Variants in TM9SF3 observed in about 807,000 individuals in gnomAD.
TM9SF3 encodes the protein SM-11044-binding protein.
A neutral mutation model predicts 78.6 loss-of-function variants in TM9SF3; 14 were observed. The ratio of observed to expected loss-of-function variants is 0.18; its 90% CI spans 0.12 to 0.28. TM9SF3 has a LOEUF of 0.28. TM9SF3 is among the 10% of genes least tolerant of loss of function. The pLI, the probability that TM9SF3 is intolerant of heterozygous loss-of-function variation, is 1.00. For synonymous variants in TM9SF3, 231 were observed against 241.7 expected (o/e 0.96, Z 0.41); for missense variants, 496 against 721.9 (o/e 0.69, Z 3.59).
intron 9 of TM9SF3, among the ~76,000 whole-genome samples, chr10:96,535,285 T>A (rs1035226254): frequency 1.3e-5 from 2 of 152,166 alleles, no homozygotes; most frequent in Admixed American, 1.3e-4. Context: ...AAGTTCTGGA[T>A]GAAGTTACTT....
intron 11 of TM9SF3, 115 bp downstream of exon 11, chr10:96,530,425 G>T: frequency 3.8e-6 from 3 of 795,568 alleles, no homozygotes; most frequent in South Asian, 1.9e-5. Context: ...TGGAATCATG[G>T]AATTAACAGA....
intron 8 of TM9SF3, among the ~76,000 whole-genome samples, chr10:96,547,227 T>C (rs1848112150): frequency 6.6e-6 from 1 of 152,220 alleles, no homozygotes; most frequent in African/African-American, 2.4e-5. Flanking sequence ...TCTCTTTCCA[T>C]TGTCCAGAAA....
At chr10:96,567,286 A>G (rs368013481) in intron 2 of TM9SF3, among the ~76,000 whole-genome samples, 9 of 152,054 alleles carry the variant, frequency 5.9e-5, no homozygotes, top group African/African-American at 1.9e-4. Flanking sequence ...GGGTTTCACC[A>G]TGTTAGCAGG....
chr10:96,536,879 C>G (rs1388879811), intron 9 of TM9SF3, among the ~76,000 whole-genome samples: 3 of 152,172 alleles, frequency 2.0e-5, no homozygotes, highest in Non-Finnish European at 4.4e-5. Context: ...GCACTACAGC[C>G]TCAACTCCTG....
chr10:96,558,018 G>A (rs1219721533), intron 5 of TM9SF3, among the ~76,000 whole-genome samples: 1 of 152,130 alleles, frequency 6.6e-6, no homozygotes, highest in Non-Finnish European at 1.5e-5. Flanking sequence ...GTGCTTGGCA[G>A]ATAGCAGGTG....
At chr10:96,554,534 C>T (rs1360222064) in intron 5 of TM9SF3, among the ~76,000 whole-genome samples, 1 of 152,168 alleles carries the variant, frequency 6.6e-6, no homozygotes, top group Non-Finnish European at 1.5e-5. Context: ...TCTCCTCTTT[C>T]ATCTTCCATG....
rs781157739 is a variant in TM9SF3 at position 96,586,873 on chromosome 10, T to TCCTCCTCCCGCCGCCG, written c.-54_-39dup. 2 of 1,181,968 alleles carry TCCTCCTCCCGCCGCCG rather than the reference T, an allele frequency of 1.7e-6. No individual in the cohort carries two copies. The highest frequency in any genetic ancestry group is 4.0e-5 in the South Asian group (1 of 24,806). The allele number at this position is 1,181,968 out of a possible 1,614,324, so 73.2% of individuals were successfully genotyped here. On this transcript the variant is annotated 5_prime_UTR_variant, in exon 1 of 15. The change abolishes the stop of an existing upstream ORF in the 5' untranslated region. Coordinates refer to ENST00000371142, the MANE Select transcript of TM9SF3 (RefSeq NM_020123.4). ...TCCGGCCCGGAGCCGGCTCACCGAC[T>TCCTCCTCCCGCCGCCG]CCTCCTCCCGCCGCCGCCTCCTCCG...
Position 96,520,457 on chromosome 10 carries a change from G to A in TM9SF3, c.*1806C>T, listed in dbSNP as rs1258872985. The stretch of plus-strand genomic sequence containing the variant: ...AGGATGTAGAGTCCATCAATAGATA[G>A]GTACATATTTTGTAATGAAAACATC... On this transcript the variant is annotated 3_prime_UTR_variant, in exon 15 of 15. Coordinates refer to ENST00000371142, the MANE Select transcript of TM9SF3 (RefSeq NM_020123.4). 6.4e-6 allele frequency: 1 copy of A among 155,634 alleles called. No individual in the cohort carries two copies. Among genetic ancestry groups the A allele is most frequent in the Non-Finnish European group, 1.4e-5 (1 of 70,564 alleles). The allele number at this position is 155,634 out of a possible 1,614,324, so 9.6% of individuals were successfully genotyped here.
chr10:96,533,717 C>G (rs924139638), intron 9 of TM9SF3, among the ~76,000 whole-genome samples: 1 of 152,180 alleles, frequency 6.6e-6, no homozygotes, highest in East Asian at 1.9e-4. Context: ...TCAAAGCCCA[C>G]ACTCTTTTCT....
chr10:96,527,959 A>G (rs1233505711), intron 12 of TM9SF3, 72 bp downstream of exon 12: 1 of 1,471,208 alleles, frequency 6.8e-7, no homozygotes, highest in Non-Finnish European at 9.3e-7. Flanking sequence ...ACTCCACTTG[A>G]TAGATTTCAA....
chr10:96,547,212 C>A (rs1319923630), intron 8 of TM9SF3, among the ~76,000 whole-genome samples: 1 of 152,202 alleles, frequency 6.6e-6, no homozygotes, highest in African/African-American at 2.4e-5. Context: ...AACTTTCCTT[C>A]CTATTCTCTT....
At position 96,559,737 on chromosome 10, in the gene TM9SF3, C is replaced by A; in HGVS notation, c.583-1G>T. ...TCACATCTGACTTTTTCCATTTTACCTAAAAAAAATTTTTTCATTTGAAAA... is the reference window on the plus strand; with the variant it reads ...TCACATCTGACTTTTTCCATTTTACATAAAAAAAATTTTTTCATTTGAAAA... On this transcript the variant is annotated splice_acceptor_variant, in intron 4 of 14. Transcript: ENST00000371142. LOFTEE classifies it high-confidence loss of function. The A allele has an allele frequency of 1.9e-6, 3 of 1,552,252 alleles. No individual in the cohort carries two copies. The highest frequency in any genetic ancestry group is 1.9e-5 in the Admixed American group (1 of 53,962).
intron 12 of TM9SF3, 81 bp downstream of exon 12, chr10:96,527,950 C>T: frequency 7.1e-7 from 1 of 1,406,822 alleles, no homozygotes; most frequent in South Asian, 1.4e-5. Context: ...CAGCTCTTTA[C>T]TCCACTTGAT....
intron 2 of TM9SF3, among the ~76,000 whole-genome samples, chr10:96,573,137 T>C (rs1170794478): frequency 6.6e-6 from 1 of 152,188 alleles, no homozygotes; most frequent in East Asian, 1.9e-4. Context: ...TCTTTAAAAG[T>C]CAAATATTCA....
Position 96,522,171 on chromosome 10 carries a change from C to G in TM9SF3, c.*92G>C, listed in dbSNP as rs1194440890. 8.9e-7 allele frequency: 1 copy of G among 1,125,366 alleles called. No homozygotes were observed. Among genetic ancestry groups the G allele is most frequent in the African/African-American group, 1.6e-5 (1 of 61,560 alleles). The allele number at this position is 1,125,366 out of a possible 1,614,324, so 69.7% of individuals were successfully genotyped here. A position where few individuals can be genotyped will look rare whatever the true frequency, so the allele number is the denominator to read the frequency against. ...ACAAAGTACCCAGTGTGTTAAAGCC[C>G]AAATCTCTTCTTGCGTTTGTTTGTT... On this transcript the variant is annotated 3_prime_UTR_variant, in exon 15 of 15. Coordinates refer to ENST00000371142, the MANE Select transcript of TM9SF3 (RefSeq NM_020123.4).
intron 9 of TM9SF3, among the ~76,000 whole-genome samples, chr10:96,542,248 C>A (rs529652215): frequency 3.3e-5 from 5 of 152,254 alleles, no homozygotes; most frequent in African/African-American, 9.6e-5. Context: ...GTAAAGTACA[C>A]ACCTAATTAA....
chr10:96,548,797 CAAAAAAAAAAA>C (rs5787196), intron 7 of TM9SF3, among the ~76,000 whole-genome samples: 3 of 58,482 alleles, frequency 5.1e-5, no homozygotes, highest in East Asian at 5.1e-4. Context: ...GACTCCATCT[CAAAAAAAAAAA>C]AAAAAAAAAA....
At chr10:96,558,365 G>A (rs1309940029) in intron 5 of TM9SF3, among the ~76,000 whole-genome samples, 1 of 152,094 alleles carries the variant, frequency 6.6e-6, no homozygotes, top group African/African-American at 2.4e-5. Context: ...ATCCAGGCAG[G>A]GCGCGGTGGC....
chr10:96,548,797 C>CAAAA (rs5787196), intron 7 of TM9SF3, among the ~76,000 whole-genome samples: 1 of 58,460 alleles, frequency 1.7e-5, no homozygotes, highest in Non-Finnish European at 3.6e-5. Context: ...GACTCCATCT[C>CAAAA]AAAAAAAAAA....
Sources: gnomAD v4.1 joint callset for allele counts (sites outside exome capture counted in the v4.1 genomes callset) on GRCh38, gnomAD v4.1.1 for gene constraint, MANE v1.5 for transcripts, NCBI Gene and HGNC (gene_info 2026-07-23, HGNC 2026-07-21) for gene names.